The following FHIT variants were observed in gnomAD, a reference collection of about 807,000 sequenced individuals.
FHIT encodes bis(5'-adenosyl)-triphosphatase.
A neutral mutation model predicts 17.9 loss-of-function variants in FHIT; 19 were observed. The observed-to-expected ratio is 1.06, with a 90% CI of 0.74 to 1.56. The LOEUF (loss-of-function observed/expected upper bound fraction) is 1.56. Ranked by LOEUF, FHIT falls within the 40% of genes most tolerant of loss-of-function variation. The pLI, the probability that FHIT is intolerant of heterozygous loss-of-function variation, is 0.00. For missense variants in FHIT, 248 were observed against 189.2 expected (o/e 1.31, Z -1.82); for synonymous variants, 81 against 69.7 (o/e 1.16, Z -0.81).
At chr3:60,826,702 A>G (rs571247724) in intron 3 of FHIT, among the ~76,000 whole-genome samples, 2 of 152,338 alleles carry the variant, frequency 1.3e-5, no homozygotes, top group African/African-American at 4.8e-5. Context: ...GCTCTCTGCC[A>G]GGGGAACACC....
At chr3:61,208,437 G>C (rs1452803622) in intron 1 of FHIT, among the ~76,000 whole-genome samples, 1 of 152,038 alleles carries the variant, frequency 6.6e-6, no homozygotes, top group Non-Finnish European at 1.5e-5. Flanking sequence ...CATTATTATT[G>C]TGTGGGAGTC....
intron 4 of FHIT, among the ~76,000 whole-genome samples, chr3:60,733,650 T>G (rs782515095): frequency 2.6e-5 from 4 of 152,192 alleles, no homozygotes; most frequent in African/African-American, 7.2e-5. Context: ...CACTCTATCC[T>G]TCATTCCTCA....
Position 60,373,506 on chromosome 3 carries a change from G to A in FHIT, c.103+163354C>T, listed in dbSNP as rs548752720. 2.6e-5 allele frequency among the ~76,000 whole-genome samples: 4 copies of A among 152,262 alleles called. No individual in the cohort carries two copies. In the South Asian group the frequency reaches 6.2e-4, roughly 24 times the overall value. On this transcript the variant is annotated intron_variant, in intron 5 of 9. Transcript: ENST00000492590. ...CATAGGAGCTCAGAGGCCATCTTAGGACATCAGAACTTTCTGTTAAAAACA... is the reference window on the plus strand; with the variant it reads ...CATAGGAGCTCAGAGGCCATCTTAGAACATCAGAACTTTCTGTTAAAAACA...
At chr3:61,057,851 T>C (rs2034280157) in intron 2 of FHIT, among the ~76,000 whole-genome samples, 1 of 152,200 alleles carries the variant, frequency 6.6e-6, no homozygotes, top group African/African-American at 2.4e-5. Context: ...CACTGTTCTA[T>C]GCCAACAAAT....
At chr3:61,116,334 G>A (rs905495116) in intron 2 of FHIT, among the ~76,000 whole-genome samples, 3 of 151,954 alleles carry the variant, frequency 2.0e-5, no homozygotes, top group Non-Finnish European at 4.4e-5. Context: ...CCCAAATACT[G>A]AAGCAAAAAT....
intron 3 of FHIT, among the ~76,000 whole-genome samples, chr3:60,893,912 C>A (rs368912779): frequency 6.6e-6 from 1 of 152,162 alleles, no homozygotes; most frequent in Non-Finnish European, 1.5e-5. Context: ...AGGTAGAAAT[C>A]CCAGAAGGGT....
At chr3:61,167,616 GA>G in intron 2 of FHIT, among the ~76,000 whole-genome samples, 1 of 111,138 alleles carries the variant, frequency 9.0e-6, no homozygotes, top group African/African-American at 3.6e-5. Context: ...GCAGCAGAGT[GA>G]AACTGTGTCT....
intron 5 of FHIT, among the ~76,000 whole-genome samples, chr3:60,036,208 C>A (rs966809133): frequency 6.6e-6 from 1 of 152,224 alleles, no homozygotes; most frequent in African/African-American, 2.4e-5. Flanking sequence ...TCAATACCAT[C>A]AATGACTCCC....
intron 4 of FHIT, among the ~76,000 whole-genome samples, chr3:60,564,168 T>C (rs367999470): frequency 7.9e-5 from 12 of 152,290 alleles, no homozygotes; most frequent in African/African-American, 2.9e-4. Flanking sequence ...CTGCCTGTGC[T>C]CTGTAAATGG....
At chr3:59,967,890 G>A (rs992131148) in intron 7 of FHIT, among the ~76,000 whole-genome samples, 2 of 152,054 alleles carry the variant, frequency 1.3e-5, no homozygotes, top group Non-Finnish European at 2.9e-5. Flanking sequence ...AAAGAAAAAA[G>A]AATGGAGAAA....
chr3:59,996,191 T>A (rs1319292112), intron 7 of FHIT, among the ~76,000 whole-genome samples: 2 of 151,706 alleles, frequency 1.3e-5, no homozygotes, highest in African/African-American at 4.8e-5. Flanking sequence ...CAGCAGGGGG[T>A]ATTATTATTC....
chr3:59,975,628 A>AACTGG (rs1708375722), intron 7 of FHIT, among the ~76,000 whole-genome samples: 1 of 152,100 alleles, frequency 6.6e-6, no homozygotes, highest in Non-Finnish European at 1.5e-5. Flanking sequence ...TTAAAAAAAC[A>AACTGG]TTAGAGAAAG....
intron 1 of FHIT, among the ~76,000 whole-genome samples, chr3:61,202,304 G>A (rs1428540820): frequency 1.3e-5 from 2 of 151,086 alleles, no homozygotes; most frequent in South Asian, 2.1e-4. Context: ...GCCCTGTCCG[G>A]GAAGTGAGGA....
Position 60,083,224 on chromosome 3 carries a change from T to C in FHIT, c.104-69072A>G, listed in dbSNP as rs150038669. On this transcript the variant is annotated intron_variant, in intron 5 of 9. Coordinates refer to ENST00000492590, the MANE Select transcript of FHIT (RefSeq NM_002012.4). ...AGCAATAACAATAGGGTGTCCTTTTTCCATTGCTTAATTTGTTGACTTTGT... is the reference window on the plus strand; with the variant it reads ...AGCAATAACAATAGGGTGTCCTTTTCCCATTGCTTAATTTGTTGACTTTGT... Among the ~76,000 whole-genome samples the C allele has an allele frequency of 2.3e-4, 35 of 152,266 alleles. No individual in the cohort carries two copies. The East Asian group carries it at 3.9e-3, about 17-fold the overall frequency.
At chr3:61,158,206 G>A (rs1560027993) in intron 2 of FHIT, among the ~76,000 whole-genome samples, 1 of 152,132 alleles carries the variant, frequency 6.6e-6, no homozygotes, top group Non-Finnish European at 1.5e-5. Flanking sequence ...TGTTTATACA[G>A]AAGCTACAAT....
At chr3:60,055,045 A>G (rs62238444) in intron 5 of FHIT, among the ~76,000 whole-genome samples, 57,919 of 152,000 alleles carry the variant, frequency 0.38, 12,350 homozygotes, top group Middle Eastern at 0.59. Flanking sequence ...ATACCCTGTC[A>G]TTATATGATT....
At chr3:59,891,217 G>A (rs17061373) in intron 8 of FHIT, among the ~76,000 whole-genome samples, 4,768 of 152,176 alleles carry the variant, frequency 0.031, 243 homozygotes, top group African/African-American at 0.11. Context: ...CAACTCTGGC[G>A]GGCAAAATAT....
rs1373600101 is a variant in FHIT at position 60,314,406 on chromosome 3, C to G, written c.103+222454G>C. ...ATGATTAAATAAAAGTCTAAGTTCACCCGAGCCTGGATAAAATAAAACTCA... is the reference window on the plus strand; with the variant it reads ...ATGATTAAATAAAAGTCTAAGTTCAGCCGAGCCTGGATAAAATAAAACTCA... On this transcript the variant is annotated intron_variant, in intron 5 of 9. Transcript: ENST00000492590. 1.3e-5 allele frequency among the ~76,000 whole-genome samples: 2 copies of G among 152,054 alleles called. 1 individual carries two copies. The highest frequency in any genetic ancestry group is 4.1e-4 in the South Asian group (2 of 4,824).
At chr3:60,290,881 A>T (rs964403757) in intron 5 of FHIT, among the ~76,000 whole-genome samples, 1 of 152,026 alleles carries the variant, frequency 6.6e-6, no homozygotes, top group African/African-American at 2.4e-5. Context: ...TGTGCCAAGA[A>T]CTCCTGAGTC....
Sources: allele counts gnomAD v4.1 joint callset (sites outside exome capture counted in the v4.1 genomes callset), GRCh38; gene constraint gnomAD v4.1.1; transcripts MANE v1.5; gene names NCBI Gene and HGNC (gene_info 2026-07-23, HGNC 2026-07-21).